The following PRKD1 variants were observed in gnomAD, a reference collection of about 807,000 sequenced individuals.
PRKD1 encodes serine/threonine-protein kinase D1.
A neutral mutation model predicts 95.9 loss-of-function variants in PRKD1; 63 were observed. The ratio of observed to expected loss-of-function variants is 0.66; its 90% CI spans 0.54 to 0.81. The LOEUF is 0.81. Among genes scored for constraint, PRKD1 ranks in the 30% least tolerant of loss-of-function variants. PRKD1 has a pLI of 0.00. For missense variants in PRKD1, 1,048 were observed against 1,165.3 expected (o/e 0.90, Z 1.47); for synonymous variants, 425 against 423.1 (o/e 1.00, Z -0.05).
chr14:29,687,006 A>G (rs1474563024), intron 2 of PRKD1, among the ~76,000 whole-genome samples: 1 of 222 alleles, frequency 4.5e-3, no homozygotes, highest in African/African-American at 0.018. Flanking sequence ...TATCCTGCCC[A>G]GGTTGCTGTG....
intron 1 of PRKD1, among the ~76,000 whole-genome samples, chr14:29,879,897 T>C: frequency 6.6e-6 from 1 of 152,100 alleles, no homozygotes; most frequent in East Asian, 1.9e-4. Context: ...AGAGAGATGA[T>C]TTAGGGTATC....
At chr14:29,699,361 G>C (rs67405497) in intron 2 of PRKD1, among the ~76,000 whole-genome samples, 5,293 of 152,210 alleles carry the variant, frequency 0.035, 316 homozygotes, top group African/African-American at 0.12. Context: ...CTGTCTGCTA[G>C]GTGAAAGATT....
chr14:29,779,036 C>G (rs535246362), intron 1 of PRKD1, among the ~76,000 whole-genome samples: 5 of 152,256 alleles, frequency 3.3e-5, no homozygotes, highest in Admixed American at 3.3e-4. Context: ...AAGACAAAAA[C>G]CACATGATTA....
chr14:29,765,026 C>A (rs1176400011), intron 1 of PRKD1, among the ~76,000 whole-genome samples: 1 of 152,100 alleles, frequency 6.6e-6, no homozygotes, highest in African/African-American at 2.4e-5. Context: ...ATTACTAAAA[C>A]CCCCAAAGAA....
chr14:29,581,019 T>A (rs1015611693), intron 16 of PRKD1, among the ~76,000 whole-genome samples: 9 of 152,202 alleles, frequency 5.9e-5, no homozygotes, highest in African/African-American at 2.2e-4. Context: ...TCTTTGACCT[T>A]TAATTCATAT....
intron 1 of PRKD1, among the ~76,000 whole-genome samples, chr14:29,918,469 T>C (rs1009446659): frequency 6.6e-6 from 1 of 152,230 alleles, no homozygotes; most frequent in Non-Finnish European, 1.5e-5. Flanking sequence ...TATTTTCAGA[T>C]GGTGCTAACC....
intron 1 of PRKD1, among the ~76,000 whole-genome samples, chr14:29,771,583 A>C (rs1264281655): frequency 6.6e-6 from 1 of 152,126 alleles, no homozygotes; most frequent in Non-Finnish European, 1.5e-5. Context: ...TTCCTCGGAC[A>C]GCATTGAGGC....
chr14:29,906,475 C>T (rs1894500281), intron 1 of PRKD1, among the ~76,000 whole-genome samples: 2 of 151,798 alleles, frequency 1.3e-5, no homozygotes, highest in Admixed American at 1.3e-4. Context: ...GAGGTCAAGG[C>T]TGCAGTGAGC....
At chr14:29,664,636 G>C (rs1038172968) in intron 3 of PRKD1, among the ~76,000 whole-genome samples, 1 of 152,114 alleles carries the variant, frequency 6.6e-6, no homozygotes, top group Non-Finnish European at 1.5e-5. Context: ...ATTGTGGATA[G>C]TTTATTTGTA....
intron 1 of PRKD1, among the ~76,000 whole-genome samples, chr14:29,741,852 A>AT (rs199672001): frequency 4.6e-4 from 69 of 150,862 alleles, no homozygotes; most frequent in African/African-American, 1.0e-3. Flanking sequence ...TGACAAACTG[A>AT]TTTTTTTTAA....
At chr14:29,863,859 T>G (rs1361194771) in intron 1 of PRKD1, among the ~76,000 whole-genome samples, 1 of 152,088 alleles carries the variant, frequency 6.6e-6, no homozygotes, top group Non-Finnish European at 1.5e-5. Context: ...TACAGAGTTT[T>G]TCAAAGAATC....
At chr14:29,714,951 G>A (rs1394695530) in intron 2 of PRKD1, among the ~76,000 whole-genome samples, 2 of 151,996 alleles carry the variant, frequency 1.3e-5, no homozygotes, top group Non-Finnish European at 2.9e-5. Flanking sequence ...ACACACCGGG[G>A]CCCGTTGGGG....
chr14:29,892,549 A>C (rs1479527304), intron 1 of PRKD1, among the ~76,000 whole-genome samples: 2 of 152,098 alleles, frequency 1.3e-5, no homozygotes, highest in African/African-American at 4.8e-5. Flanking sequence ...CCTTCTTTTC[A>C]GTGCCAAGAA....
chr14:29,610,473 A>G (rs1878387031), intron 13 of PRKD1, among the ~76,000 whole-genome samples: 1 of 152,198 alleles, frequency 6.6e-6, no homozygotes, highest in Non-Finnish European at 1.5e-5. Flanking sequence ...GTAAGATACC[A>G]TTACACACCT....
chr14:29,678,421 T>C (rs1365565154), intron 2 of PRKD1, among the ~76,000 whole-genome samples: 2 of 152,196 alleles, frequency 1.3e-5, no homozygotes, highest in African/African-American at 4.8e-5. Flanking sequence ...TTTTCAGCTT[T>C]TGATAGTAAA....
chr14:29,822,913 T>C (rs1184935233), intron 1 of PRKD1, among the ~76,000 whole-genome samples: 2 of 152,080 alleles, frequency 1.3e-5, no homozygotes, highest in South Asian at 2.1e-4. Context: ...AGAATCAAAA[T>C]GTTTTAAAAA....
chr14:29,763,794 C>T lies in PRKD1; in HGVS notation c.265-38120G>A, dbSNP rs1252946352. 2.6e-5 allele frequency among the ~76,000 whole-genome samples: 4 copies of T among 151,264 alleles called. No homozygotes were observed. In the East Asian group the frequency reaches 7.8e-4, roughly 30 times the overall value. ...CTGCAATTCTTTCTGCTCTCTCCTC[C>T]CTCTTTCCTGTGGTCTGTGAATCTA... is the stretch of plus-strand genomic sequence containing the variant. On this transcript the variant is annotated intron_variant, in intron 1 of 17. Transcript: ENST00000331968.
chr14:29,923,222 T>C (rs1462364283), intron 1 of PRKD1, among the ~76,000 whole-genome samples: 1 of 131,784 alleles, frequency 7.6e-6, no homozygotes, highest in Non-Finnish European at 1.5e-5. Context: ...AGAGTGAGAT[T>C]CTGTCAAAAA....
At position 29,636,503 on chromosome 14, in the gene PRKD1, T is replaced by C. The variant is rs1369594965; in HGVS notation, c.986-9A>G. 6.2e-7 allele frequency: 1 copy of C among 1,613,798 alleles called. No individual in the cohort carries two copies. The highest frequency in any genetic ancestry group is 1.7e-5 in the Admixed American group (1 of 60,002). On this transcript the variant is annotated splice_polypyrimidine_tract_variant and intron_variant, in intron 6 of 17. Transcript: ENST00000331968. ...CCCAGGGCTAAGCAAATCTAGAAAATTATTTTCACCCATGAAGATAAGCCT... is the reference window on the plus strand; with the variant it reads ...CCCAGGGCTAAGCAAATCTAGAAAACTATTTTCACCCATGAAGATAAGCCT...
Sources: gnomAD v4.1 joint callset for allele counts (sites outside exome capture counted in the v4.1 genomes callset) on GRCh38, gnomAD v4.1.1 for gene constraint, MANE v1.5 for transcripts, NCBI Gene and HGNC (gene_info 2026-07-23, HGNC 2026-07-21) for gene names.